The following GBP3 variants were observed in gnomAD, a reference collection of about 807,000 sequenced individuals.
GBP3 encodes guanylate binding protein 3.
A neutral mutation model predicts 62.4 loss-of-function variants in GBP3; 55 were observed. That is an observed-to-expected ratio of 0.88 (90% CI 0.71 to 1.10). The LOEUF is 1.10. Ranked by LOEUF, GBP3 falls within the 50% of genes least tolerant of loss-of-function variation. The probability of loss-of-function intolerance (pLI) is 0.00; values close to 1 mark genes in which losing one functional copy is unlikely to be tolerated. For missense variants in GBP3, 605 were observed against 690.6 expected (o/e 0.88, Z 1.39); for synonymous variants, 208 against 259.2 (o/e 0.80, Z 1.90).
chr1:89,014,473 A>G (rs1262232362), intron 4 of GBP3, 74 bp downstream of exon 4: 2 of 1,613,808 alleles, frequency 1.2e-6, no homozygotes, highest in East Asian at 2.2e-5. Context: ...ATCAGGATTC[A>G]CAGTCAGGCA....
In GBP3 at chr1:89,020,543, C is replaced by G; in HGVS notation, c.179G>C (p.Gly60Ala). The G allele has an allele frequency of 6.2e-7, 1 of 1,614,140 alleles. No individual in the cohort carries two copies. The change falls in exon 2 of 11, where the codon GGG (glycine) becomes GCG (alanine). Residue 60 changes from glycine (G) to alanine (A), a missense_variant. Around this residue, in one of 3 missense-constraint regions of GBP3, gnomAD observed 308 missense variants for 318.0 expected, o/e 0.97. Transcript: ENST00000370481. ...CTCATGCCACTCACCCTTATTCTTC[C>G]CAGCTAGCTTGTTCATCAGGTAGGA... ...GKSYLMNKLA[G>A]KNKGFSLGST...
intron 2 of GBP3, 159 bp downstream of exon 2, chr1:89,020,373 G>A: frequency 1.3e-6 from 1 of 783,698 alleles, no homozygotes; most frequent in Non-Finnish European, 2.2e-6. Context: ...GCTGTGAGCT[G>A]ATGCTTATCC....
chr1:89,009,229 C>T, intron 9 of GBP3, 89 bp from the exon 10 acceptor site: 2 of 1,414,650 alleles, frequency 1.4e-6, no homozygotes, highest in Non-Finnish European at 2.0e-6. Flanking sequence ...CTGCTGACTG[C>T]ATATGCCCTA....
rs1557725767 is a variant in GBP3 at position 89,011,946 on chromosome 1, A to G, written c.950T>C (p.Leu317Ser). 6.8e-7 allele frequency: 1 copy of G among 1,462,490 alleles called. No homozygotes were observed. The highest frequency in any genetic ancestry group is 9.5e-7 in the Non-Finnish European group (1 of 1,055,266). The allele number at this position is 1,462,490 out of a possible 1,614,324, so 90.6% of individuals were successfully genotyped here. Residue 317 changes from leucine (L) to serine (S), a missense_variant, in exon 7 of 11, where the codon TTG becomes TCG. Leu to Ser is a moderately radical substitution (Grantham distance 145). Coordinates refer to ENST00000370481, the MANE Select transcript of GBP3 (RefSeq NM_018284.3). ...TGCGGCTGAGTTCTCTATCTGGGCCAAGGCCAGGACTGCGTTCTCCATGCA... is the reference window on the plus strand; with the variant it reads ...TGCGGCTGAGTTCTCTATCTGGGCCGAGGCCAGGACTGCGTTCTCCATGCA... ...LPCMENAVLA[L>S]AQIENSAAVQ...
At position 89,007,840 on chromosome 1, in the gene GBP3, C is replaced by G; in HGVS notation, c.1672G>C (p.Val558Leu). The G allele has an allele frequency of 6.2e-7, 1 of 1,612,670 alleles. No homozygotes were observed. The highest frequency in any genetic ancestry group is 2.2e-5 in the East Asian group (1 of 44,836). ...LTSKLQEQAR[V>L]LKERCQGEST... Reference sequence around the variant, plus strand: ...TCACCTTGGCATCTCTCCTTTAGTACTCGGGCCTGTTCCTAAAAAGGGACA... The same window carrying G: ...TCACCTTGGCATCTCTCCTTTAGTAGTCGGGCCTGTTCCTAAAAAGGGACA... The change falls in exon 11 of 11, where the codon GTA (valine) becomes CTA (leucine). Residue 558 changes from valine (V) to leucine (L), a missense_variant. This residue lies in a region of GBP3 where 160 missense variants were observed against 147.8 expected (regional missense o/e 1.08). Transcript: ENST00000370481.
chr1:89,010,852 C>T lies in GBP3; in HGVS notation c.1362+52G>A, dbSNP rs1316369495. 1.1e-5 allele frequency: 16 copies of T among 1,460,072 alleles called. 5 individuals carry two copies. Among genetic ancestry groups the T allele is most frequent in the East Asian group, 9.3e-5 (4 of 43,208 alleles). 90.4% of individuals were successfully genotyped at this position (1,460,072 alleles called of 1,614,324 possible). ...AGTGAAGCTTGGTCACTTTGGTGTT[C>T]GTAGGAGGTAGGTCAGCAGGTTTCC... On this transcript the variant is annotated intron_variant, in intron 8 of 10. Coordinates refer to ENST00000370481, the MANE Select transcript of GBP3 (RefSeq NM_018284.3).
In GBP3 at chr1:89,018,092, A is replaced by T. The variant is rs559327407; in HGVS notation, c.190+2440T>A. 9.9e-5 allele frequency among the ~76,000 whole-genome samples: 15 copies of T among 152,076 alleles called. No individual in the cohort carries two copies. In the South Asian group the frequency reaches 2.3e-3, roughly 23 times the overall value. ...AGACTGTGTCTCAAAAAAAAAAAAA[A>T]TTAAAATAACTGTAGGGAGACCCCG... On this transcript the variant is annotated intron_variant, in intron 2 of 10. Coordinates refer to ENST00000370481, the MANE Select transcript of GBP3 (RefSeq NM_018284.3).
chr1:89,008,714 A>G, intron 10 of GBP3: 1 of 673,500 alleles, frequency 1.5e-6, no homozygotes, highest in Non-Finnish European at 2.4e-6. Flanking sequence ...TGACAGCCGT[A>G]AGTGGAAGGA....
chr1:89,016,245 C>A (rs1678882463), intron 2 of GBP3, among the ~76,000 whole-genome samples: 1 of 152,194 alleles, frequency 6.6e-6, no homozygotes, highest in Admixed American at 6.5e-5. Flanking sequence ...CAGTGGCTCA[C>A]GCCTGTAATC....
Position 89,020,658 on chromosome 1 carries a change from C to T in GBP3, c.64G>A (p.Val22Met). The change falls in exon 2 of 11, where the codon GTG becomes ATG. Residue 22 changes from valine to methionine, a missense_variant. Physicochemically the swap from Val to Met is conservative, Grantham distance 21 (BLOSUM62 1). Around this residue, in one of 3 missense-constraint regions of GBP3, gnomAD observed 308 missense variants for 318.0 expected, o/e 0.97. Coordinates refer to ENST00000370481, the MANE Select transcript of GBP3 (RefSeq NM_018284.3). The part of the protein sequence containing the change: ...CLIENTNGEL[V>M]ANPEALKILS... ...ATTTTCAGAGCTTCTGGATTCGCCA[C>T]CAGTTCCCCATTAGTGTTCTCAATG... 3 of 1,614,178 alleles carry T rather than the reference C, an allele frequency of 1.9e-6. No individual in the cohort carries two copies. Among genetic ancestry groups the T allele is most frequent in the Middle Eastern group, 1.6e-4 (1 of 6,062 alleles).
intron 1 of GBP3, among the ~76,000 whole-genome samples, chr1:89,021,510 G>GCGCGCGCGCGCGCACACACACACACA (rs751639388): frequency 1.5e-5 from 2 of 131,668 alleles, no homozygotes; most frequent in African/African-American, 3.0e-5. Flanking sequence ...GCGCGCGCGC[G>GCGCGCGCGCGCGCACACACACACACA]CACACACACA....
At chr1:89,021,535 C>CAG (rs1679208530) in intron 1 of GBP3, among the ~76,000 whole-genome samples, 2 of 144,154 alleles carry the variant, frequency 1.4e-5, no homozygotes, top group Admixed American at 6.9e-5. Context: ...CACACACACA[C>CAG]ACACACACAC....
At chr1:89,011,689 C>A in intron 7 of GBP3, 58 bp downstream of exon 7, 1 of 1,432,504 alleles carries the variant, frequency 7.0e-7, no homozygotes. Context: ...AATTTCATTT[C>A]TTAGTAGTAC....
intron 3 of GBP3, 136 bp from the exon 4 acceptor site, chr1:89,014,792 A>G: frequency 9.4e-7 from 1 of 1,064,144 alleles, no homozygotes; most frequent in South Asian, 1.6e-5. Flanking sequence ...CCCAAATCCA[A>G]ACAAAATGAT....
At position 89,010,806 on chromosome 1, in the gene GBP3, C is replaced by G; in HGVS notation, c.1362+98G>C. On this transcript the variant is annotated intron_variant, in intron 8 of 10. Transcript: ENST00000370481. The stretch of plus-strand genomic sequence containing the variant: ...AATGAAAGCATGAATGTTATACAGA[C>G]AAAAAAGCACATCTGTGTGCAGTGA... The G allele has an allele frequency of 1.4e-6, 2 of 1,384,778 alleles. 1 individual carries two copies. Among genetic ancestry groups the G allele is most frequent in the Non-Finnish European group, 2.0e-6 (2 of 986,052 alleles). The allele number at this position is 1,384,778 out of a possible 1,614,324, so 85.8% of individuals were successfully genotyped here.
In GBP3 at chr1:89,007,842, C is replaced by CG. The variant is rs1357684160; in HGVS notation, c.1669dup (p.Arg557ProfsTer10). ...ACCTTGGCATCTCTCCTTTAGTACTCGGGCCTGTTCCTAAAAAGGGACAAA... is the reference window on the plus strand; with the variant it reads ...ACCTTGGCATCTCTCCTTTAGTACTCGGGGCCTGTTCCTAAAAAGGGACAAA... On this transcript the variant is annotated frameshift_variant, in exon 11 of 11. Transcript: ENST00000370481. LOFTEE classifies it low-confidence loss of function (END_TRUNC). 2 of 1,610,858 alleles carry CG rather than the reference C, an allele frequency of 1.2e-6. No homozygotes were observed. The highest frequency in any genetic ancestry group is 1.7e-6 in the Non-Finnish European group (2 of 1,178,942).
rs1483403834 is a variant in GBP3 at position 89,006,807 on chromosome 1, A to G, written c.*917T>C. 1 of 152,262 alleles carries G rather than the reference A, an allele frequency of 6.6e-6. No homozygotes were observed. Among genetic ancestry groups the G allele is most frequent in the Non-Finnish European group, 1.5e-5 (1 of 68,044 alleles). 9.4% of individuals were successfully genotyped at this position (152,262 alleles called of 1,614,324 possible). On this transcript the variant is annotated 3_prime_UTR_variant, in exon 11 of 11. Transcript: ENST00000370481. ...TACATATACTAAGTAATGGCAAGAC[A>G]ATTATTTTATTGCTCAAAAGAAAGT...
chr1:89,013,720 G>A (rs1016596694), intron 5 of GBP3: 2 of 412,192 alleles, frequency 4.9e-6, no homozygotes, highest in Non-Finnish European at 8.6e-6. Context: ...TGTTCTTTAA[G>A]TAAATATCCA....
chr1:89,009,298 T>C, intron 9 of GBP3, 94 bp downstream of exon 9: 1 of 1,448,198 alleles, frequency 6.9e-7, no homozygotes, highest in South Asian at 1.2e-5. Context: ...AACTTAGGTT[T>C]ATCCAGTCAA....
Sources: allele counts gnomAD v4.1 joint callset (sites outside exome capture counted in the v4.1 genomes callset), GRCh38; gene constraint gnomAD v4.1.1; regional missense constraint gnomAD v4.1.1; transcripts MANE v1.5; gene names NCBI Gene and HGNC (gene_info 2026-07-23, HGNC 2026-07-21).